TMC5: variants seen among roughly 807,000 people sequenced by gnomAD.
TMC5 encodes transmembrane channel like 5.
A neutral mutation model predicts 110.5 loss-of-function variants in TMC5; 86 were observed. The ratio of observed to expected loss-of-function variants is 0.78; its 90% confidence interval spans 0.65 to 0.93. The LOEUF is 0.93. Ranked by LOEUF, TMC5 falls within the 40% of genes least tolerant of loss-of-function variation. TMC5 has a pLI of 0.00. For synonymous variants in TMC5, 455 were observed against 439.5 expected (o/e 1.04, Z -0.44); for missense variants, 1,144 against 1,222.8 (o/e 0.94, Z 0.96).
chr16:19,450,129 A>G (rs1967716624), intron 5 of TMC5, among the ~76,000 whole-genome samples: 1 of 152,170 alleles, frequency 6.6e-6, no homozygotes, highest in African/African-American at 2.4e-5. Context: ...TGCTTAACAT[A>G]TCATAATGGA....
chr16:19,438,729 AGAGT>A (rs1433751649), intron 2 of TMC5, among the ~76,000 whole-genome samples: 1 of 152,228 alleles, frequency 6.6e-6, no homozygotes, highest in African/African-American at 2.4e-5. Flanking sequence ...CTTAGGCTAC[AGAGT>A]GAGACTCCAT....
chr16:19,470,163 G>C (rs1968298788), intron 10 of TMC5, among the ~76,000 whole-genome samples: 1 of 148,666 alleles, frequency 6.7e-6, no homozygotes, highest in Non-Finnish European at 1.5e-5. Context: ...CAAAGTGCTG[G>C]GATTACAGGC....
chr16:19,474,923 G>A (rs1043400281), intron 12 of TMC5: 2 of 152,232 alleles, frequency 1.3e-5, no homozygotes, highest in Non-Finnish European at 2.9e-5. Context: ...GCCCATTTTT[G>A]TAATTCCACC....
chr16:19,449,445 C>A (rs74013780), intron 4 of TMC5, 97 bp from the exon 5 acceptor site: 34,795 of 999,454 alleles, frequency 0.035, 1,607 homozygotes, highest in African/African-American at 0.19. Context: ...TCTTATTAGC[C>A]GTTACGAACC....
intron 8 of TMC5, 130 bp downstream of exon 8, chr16:19,464,154 A>G: frequency 8.6e-7 from 1 of 1,162,890 alleles, no homozygotes; most frequent in Non-Finnish European, 1.2e-6. Context: ...TGGATGTTTG[A>G]AATGTTTTCC....
intron 5 of TMC5, among the ~76,000 whole-genome samples, chr16:19,450,838 A>G (rs750037076): frequency 6.6e-6 from 1 of 152,216 alleles, no homozygotes; most frequent in Non-Finnish European, 1.5e-5. Flanking sequence ...GAATATTCAT[A>G]TAATTATTAT....
chr16:19,444,030 AATCCTTACT>A (rs1967554413), intron 3 of TMC5, 42 bp from the exon 4 acceptor site: 1 of 1,486,018 alleles, frequency 6.7e-7, no homozygotes, highest in African/African-American at 1.8e-5. Flanking sequence ...GATGGATGAC[AATCCTTACT>A]ATACTCTTGG....
Position 19,440,235 on chromosome 16 carries a change from C to T in TMC5, c.197C>T (p.Pro66Leu). ...SVASRTRPDYPGSLAEPNYPR... is the reference protein window; with the variant it reads ...SVASRTRPDYLGSLAEPNYPR... ...GCCTCCAGAACACGTCCAGACTATC[C>T]TGGGTCTCTGGCAGAACCAAATTAT... Residue 66 changes from proline (P) to leucine (L), a missense_variant, in exon 3 of 22, where the codon CCT becomes CTT. Physicochemically the swap from Pro to Leu is moderately conservative, Grantham distance 98. Transcript: ENST00000542583. 6.2e-7 allele frequency: 1 copy of T among 1,614,134 alleles called. No individual in the cohort carries two copies. The highest frequency in any genetic ancestry group is 1.1e-5 in the South Asian group (1 of 91,070).
chr16:19,412,647 C>T (rs1433961507), intron 1 of TMC5, among the ~76,000 whole-genome samples: 2 of 152,142 alleles, frequency 1.3e-5, no homozygotes, highest in Non-Finnish European at 2.9e-5. Flanking sequence ...GGATTACAGG[C>T]GTGAGCCACC....
intron 2 of TMC5, among the ~76,000 whole-genome samples, chr16:19,438,652 C>T (rs995090393): frequency 6.6e-6 from 1 of 151,978 alleles, no homozygotes. Flanking sequence ...GAGGCTGAGG[C>T]AGGAGAATTG....
At position 19,440,196 on chromosome 16, in the gene TMC5, A is replaced by G. The variant is rs765470045; in HGVS notation, c.158A>G (p.Asn53Ser). Residue 53 changes from asparagine to serine, a missense_variant, in exon 3 of 22, where the codon AAT becomes AGT. Physicochemically the swap from Asn to Ser is conservative, Grantham distance 46. Coordinates refer to ENST00000542583, the MANE Select transcript of TMC5 (RefSeq NM_001261841.2). ...CCAGACTACCCCGGCACCAGGAGCAATCCATACTCTGTAGCCTCCAGAACA... is the reference window on the plus strand; with the variant it reads ...CCAGACTACCCCGGCACCAGGAGCAGTCCATACTCTGTAGCCTCCAGAACA... ...NNPDYPGTRS[N>S]PYSVASRTRP... 2 of 1,614,188 alleles carry G rather than the reference A, an allele frequency of 1.2e-6. No individual in the cohort carries two copies. Among genetic ancestry groups the G allele is most frequent in the South Asian group, 1.1e-5 (1 of 91,080 alleles).
At chr16:19,425,327 C>CTTTTTTTTTTTTTTTTTTTTT in intron 1 of TMC5, among the ~76,000 whole-genome samples, 1 of 124,584 alleles carries the variant, frequency 8.0e-6, no homozygotes, top group Non-Finnish European at 1.7e-5. Flanking sequence ...GTTGAGTTTG[C>CTTTTTTTTTTTTTTTTTTTTT]TTTTTTTTTT....
intron 12 of TMC5, 54 bp from the exon 13 acceptor site, chr16:19,477,386 C>A: frequency 7.3e-7 from 1 of 1,362,864 alleles, no homozygotes; most frequent in Non-Finnish European, 1.1e-6. Context: ...TATTTGCAGA[C>A]AGAATGAAAG....
At position 19,490,524 on chromosome 16, in the gene TMC5, C is replaced by G. The variant is rs1398575483; in HGVS notation, c.2703C>G (p.Leu901=). 1.2e-6 allele frequency: 2 copies of G among 1,614,136 alleles called. No individual in the cohort carries two copies. The highest frequency in any genetic ancestry group is 2.2e-5 in the South Asian group (2 of 91,078). The change falls in exon 18 of 22, where the codon CTC becomes CTG. Residue 901 remains leucine, a synonymous_variant. Transcript: ENST00000542583. The part of the protein sequence containing the change: ...YLWVVWIYRN[L]IGSVHFFFIL... ...GGGTTGTTTGGATCTATCGGAACCTCATTGGAAGTGTGCACTTCTTTTTCA... is the reference window on the plus strand; with the variant it reads ...GGGTTGTTTGGATCTATCGGAACCTGATTGGAAGTGTGCACTTCTTTTTCA...
chr16:19,439,615 C>T (rs533531422), intron 2 of TMC5, among the ~76,000 whole-genome samples: 1 of 152,326 alleles, frequency 6.6e-6, no homozygotes, highest in African/African-American at 2.4e-5. Context: ...CTCTGTTGTG[C>T]ATTTATCCCA....
chr16:19,440,121 G>C lies in TMC5; in HGVS notation c.83G>C (p.Gly28Ala), dbSNP rs745942427. ...TCAGGGTCTCAGAACCGTACGCAGG[G>C]GTATTTGAAAACTCAAGGTTATCCA... ...DYSGSQNRTQ[G>A]YLKTQGYPDV... Residue 28 changes from glycine to alanine, a missense_variant, in exon 3 of 22, where the codon GGG becomes GCG. Gly to Ala is a moderately conservative substitution (Grantham distance 60). Transcript: ENST00000542583. 1 of 1,614,030 alleles carries C rather than the reference G, an allele frequency of 6.2e-7. No individual in the cohort carries two copies. The highest frequency in any genetic ancestry group is 8.5e-7 in the Non-Finnish European group (1 of 1,180,000).
chr16:19,493,274 T>A (rs1338047462), intron 19 of TMC5, among the ~76,000 whole-genome samples: 1 of 151,796 alleles, frequency 6.6e-6, no homozygotes, highest in Non-Finnish European at 1.5e-5. Context: ...ATAAAGACTT[T>A]TAAAAATAAC....
intron 18 of TMC5, among the ~76,000 whole-genome samples, chr16:19,491,790 G>A (rs939799580): frequency 5.9e-5 from 9 of 152,080 alleles, no homozygotes; most frequent in South Asian, 2.1e-4. Flanking sequence ...GCCCGCCTTG[G>A]CCTCCCAAAG....
chr16:19,451,143 C>T (rs1035017441), intron 5 of TMC5, among the ~76,000 whole-genome samples: 1 of 151,992 alleles, frequency 6.6e-6, no homozygotes, highest in South Asian at 2.1e-4. Context: ...CAAAATCAAA[C>T]AAACAAAAAC....
Sources: gnomAD v4.1 joint callset for allele counts (sites outside exome capture counted in the v4.1 genomes callset) on GRCh38, gnomAD v4.1.1 for gene constraint, MANE v1.5 for transcripts, NCBI Gene and HGNC (gene_info 2026-07-23, HGNC 2026-07-21) for gene names.